LIMCH1: variants seen among roughly 807,000 people sequenced by gnomAD.
LIMCH1 encodes LIM and calponin homology domains 1, also known as LIM and calponin homology domains-containing protein 1.
In LIMCH1, 113 loss-of-function variants were observed where a neutral mutation model predicts 176.5. The ratio of observed to expected loss-of-function variants is 0.64; its 90% CI spans 0.55 to 0.75. The LOEUF is 0.75. LIMCH1 is among the 30% of genes least tolerant of loss of function. The probability of loss-of-function intolerance (pLI) is 0.00; values close to 1 mark genes in which losing one functional copy is unlikely to be tolerated. For missense variants in LIMCH1, 1,674 were observed against 1,814.9 expected, an observed-to-expected ratio of 0.92 and a Z score of 1.41; for synonymous variants, 619 against 645.9, an observed-to-expected ratio of 0.96 and a Z score of 0.63.
chr4:41,494,280 TTGAAAAAAAATTATATATA>T (rs2071625379), intron 1 of LIMCH1, among the ~76,000 whole-genome samples: 1 of 149,426 alleles, frequency 6.7e-6, no homozygotes, highest in South Asian at 2.1e-4. Context: ...TTCAAGATTA[TTGAAAAAAAATTATATATA>T]TATAATTATA....
chr4:41,485,735 A>G (rs2069406961), intron 1 of LIMCH1, among the ~76,000 whole-genome samples: 2 of 152,114 alleles, frequency 1.3e-5, no homozygotes, highest in South Asian at 2.1e-4. Context: ...ATGGGGAGCT[A>G]TGGGAGTGGG....
At chr4:41,579,804 GTGTAACATACA>G (rs2085107650) in intron 1 of LIMCH1, among the ~76,000 whole-genome samples, 1 of 152,184 alleles carries the variant, frequency 6.6e-6, no homozygotes, top group South Asian at 2.1e-4. Flanking sequence ...CTCTTGGCAT[GTGTAACATACA>G]TGTAGCGGTC....
At chr4:41,635,236 C>CTT (rs72130305) in intron 13 of LIMCH1, among the ~76,000 whole-genome samples, 11 of 143,304 alleles carry the variant, frequency 7.7e-5, no homozygotes, top group Non-Finnish European at 9.2e-5. Flanking sequence ...TTCTCTGTCA[C>CTT]TTTTTTTTTT....
intron 1 of LIMCH1, among the ~76,000 whole-genome samples, chr4:41,594,476 A>G (rs541734330): frequency 6.6e-6 from 1 of 152,324 alleles, no homozygotes; most frequent in African/African-American, 2.4e-5. Context: ...GTAAATGTGG[A>G]AAAATCTCAG....
rs550964728 is a variant in LIMCH1, at chr4:41,479,956, G to A, written c.97-14580G>A. Reference sequence around the variant, plus strand: ...TTTGCCTCAACTAGATTTTCTCTCCGCTGGGCAGCTTTTCTGAACAAAAAT... The same window carrying A: ...TTTGCCTCAACTAGATTTTCTCTCCACTGGGCAGCTTTTCTGAACAAAAAT... On this transcript the variant is annotated intron_variant, in intron 1 of 26. Transcript: ENST00000313860. Among the ~76,000 whole-genome samples, 61 of 151,980 alleles carry A rather than the reference G, an allele frequency of 4.0e-4. 1 individual carries two copies. Among genetic ancestry groups the A allele is most frequent in the Middle Eastern group, 3.4e-3 (1 of 294 alleles).
At chr4:41,606,651 T>C (rs2090752745) in intron 4 of LIMCH1, among the ~76,000 whole-genome samples, 1 of 152,208 alleles carries the variant, frequency 6.6e-6, no homozygotes, top group Non-Finnish European at 1.5e-5. Context: ...GTTTCATGTG[T>C]ACTACTTGCC....
At chr4:41,589,383 G>A (rs1206530017) in intron 1 of LIMCH1, among the ~76,000 whole-genome samples, 1 of 152,142 alleles carries the variant, frequency 6.6e-6, no homozygotes, top group Non-Finnish European at 1.5e-5. Context: ...GGGGGTGGTG[G>A]GTGGGGGAGA....
At chr4:41,569,896 T>C (rs896717491) in intron 1 of LIMCH1, among the ~76,000 whole-genome samples, 2 of 152,258 alleles carry the variant, frequency 1.3e-5, no homozygotes. Flanking sequence ...TGCTTTAAAG[T>C]TCCTATGCTA....
intron 2 of LIMCH1, among the ~76,000 whole-genome samples, chr4:41,500,617 C>T (rs1281428579): frequency 2.6e-5 from 4 of 152,124 alleles, no homozygotes; most frequent in Non-Finnish European, 2.9e-5. Flanking sequence ...TATTATTTTC[C>T]AATTCTTGCT....
chr4:41,462,856 G>T (rs955228563), intron 1 of LIMCH1, among the ~76,000 whole-genome samples: 1 of 151,888 alleles, frequency 6.6e-6, no homozygotes, highest in African/African-American at 2.4e-5. Context: ...ACTTATAATT[G>T]TCTGGAAATT....
chr4:41,386,791 G>T (rs868817521), intron 1 of LIMCH1, among the ~76,000 whole-genome samples: 4 of 152,290 alleles, frequency 2.6e-5, no homozygotes, highest in Middle Eastern at 3.4e-3. Context: ...GTATCTAAGG[G>T]ACAGCCTAGG....
chr4:41,385,336 A>G (rs1029972665), intron 1 of LIMCH1, among the ~76,000 whole-genome samples: 7 of 152,168 alleles, frequency 4.6e-5, no homozygotes, highest in Non-Finnish European at 8.8e-5. Context: ...GCCATTTTGG[A>G]TTGAGAGTAT....
chr4:41,522,965 C>T lies in LIMCH1; in HGVS notation c.168-1444C>T, dbSNP rs2076266559. On this transcript the variant is annotated intron_variant, in intron 2 of 26. Transcript: ENST00000313860. ...CTCCGTGGGCAAAACAGCACTTGTG[C>T]ACTCTGAGTACCGCCTCTTGGTAGC... Among the ~76,000 whole-genome samples the T allele has an allele frequency of 4.6e-5, 7 of 152,260 alleles. No individual in the cohort carries two copies. The South Asian group carries it at 1.5e-3, about 32-fold the overall frequency.
intron 30 of LIMCH1, among the ~76,000 whole-genome samples, chr4:41,691,370 C>T (rs754604550): frequency 1.3e-5 from 2 of 152,130 alleles, no homozygotes; most frequent in Non-Finnish European, 2.9e-5. Context: ...CCTACAGTCT[C>T]TTTCTGCACT....
intron 1 of LIMCH1, among the ~76,000 whole-genome samples, chr4:41,406,667 A>G (rs963032328): frequency 6.6e-6 from 1 of 152,202 alleles, no homozygotes; most frequent in African/African-American, 2.4e-5. Flanking sequence ...GCTTGAAGAG[A>G]CCAGCAGTGA....
chr4:41,685,680 A>T (rs1231805772), intron 27 of LIMCH1, 30 bp from the exon 28 acceptor site: 13 of 1,612,198 alleles, frequency 8.1e-6, no homozygotes, highest in Non-Finnish European at 1.1e-5. Context: ...TTTACTGTGC[A>T]CTACATTTAT....
chr4:41,392,548 T>C lies in LIMCH1; in HGVS notation c.96+31612T>C, dbSNP rs114211364. On this transcript the variant is annotated intron_variant, in intron 1 of 26. Coordinates refer to the LIMCH1 transcript ENST00000313860. ...TTGCTTACTTGAACCACAGATAGAG[T>C]AGCTAGTTTTCATTTGGAGTCATGT... 2.1e-3 allele frequency among the ~76,000 whole-genome samples: 324 copies of C among 152,214 alleles called. 1 individual carries two copies. Among genetic ancestry groups the C allele is most frequent in the African/African-American group, 7.6e-3 (314 of 41,552 alleles).
At chr4:41,413,813 A>C (rs1025052482) in intron 1 of LIMCH1, among the ~76,000 whole-genome samples, 3 of 152,194 alleles carry the variant, frequency 2.0e-5, no homozygotes, top group South Asian at 4.2e-4. Context: ...AAGTAGGAGG[A>C]GGATAAATGG....
intron 2 of LIMCH1, among the ~76,000 whole-genome samples, chr4:41,501,618 G>C (rs1361054848): frequency 6.6e-6 from 1 of 151,806 alleles, no homozygotes; most frequent in East Asian, 1.9e-4. Flanking sequence ...TTTTTGGTGG[G>C]GTCATTCTAG....
Sources: gnomAD v4.1 joint callset for allele counts (sites outside exome capture counted in the v4.1 genomes callset) on GRCh38, gnomAD v4.1.1 for gene constraint, MANE v1.5 for transcripts, NCBI Gene and HGNC (gene_info 2026-07-23, HGNC 2026-07-21) for gene names.